The following ANKS1A variants were observed in gnomAD, a reference collection of about 807,000 sequenced individuals.
The protein encoded by ANKS1A is ankyrin repeat and sterile alpha motif domain containing 1A.
A neutral mutation model predicts 120.3 loss-of-function variants in ANKS1A; 55 were observed. The ratio of observed to expected loss-of-function variants is 0.46; its 90% confidence interval spans 0.37 to 0.57. The LOEUF is 0.57. Ranked by LOEUF, ANKS1A falls within the 20% of genes least tolerant of loss-of-function variation. The pLI is 0.00. For missense variants in ANKS1A, 1,123 were observed against 1,480.3 expected (o/e 0.76, Z 3.96); for synonymous variants, 590 against 604.7 (o/e 0.98, Z 0.36).
chr6:34,989,523 G>A (rs1334911215), intron 9 of ANKS1A, among the ~76,000 whole-genome samples: 1 of 152,148 alleles, frequency 6.6e-6, no homozygotes, highest in African/African-American at 2.4e-5. Flanking sequence ...GCCCAGTATT[G>A]ATCTGCCATA....
At chr6:35,047,750 G>A (rs1192289755) in intron 11 of ANKS1A, among the ~76,000 whole-genome samples, 1 of 152,168 alleles carries the variant, frequency 6.6e-6, no homozygotes, top group Non-Finnish European at 1.5e-5. Flanking sequence ...GCAGTTTCTT[G>A]GCGCTTTGAG....
intron 1 of ANKS1A, among the ~76,000 whole-genome samples, chr6:34,963,914 C>T (rs1443240571): frequency 6.6e-6 from 1 of 152,138 alleles, no homozygotes; most frequent in African/African-American, 2.4e-5. Context: ...TGTATGTCTT[C>T]TTTTGAGAAA....
At chr6:35,019,167 A>AGGT (rs1251276767) in intron 11 of ANKS1A, among the ~76,000 whole-genome samples, 2 of 152,238 alleles carry the variant, frequency 1.3e-5, no homozygotes, top group East Asian at 3.9e-4. Flanking sequence ...TCTCAAAGAT[A>AGGT]GGTAAACACC....
At chr6:35,094,854 C>T (rs1237729139), downstream of ANKS1A, among the ~76,000 whole-genome samples, 3 of 152,038 alleles carry the variant, frequency 2.0e-5, no homozygotes, top group Non-Finnish European at 4.4e-5. Flanking sequence ...TAAGAAAATA[C>T]TCGAGGCCGG....
downstream of ANKS1A, among the ~76,000 whole-genome samples, chr6:35,092,897 A>G (rs543856186): frequency 1.3e-5 from 2 of 152,312 alleles, no homozygotes; most frequent in East Asian, 3.9e-4. Context: ...GGATAGATCA[A>G]TCCTCAGCAA....
At chr6:34,946,301 T>C (rs1278481310) in intron 1 of ANKS1A, among the ~76,000 whole-genome samples, 6 of 151,642 alleles carry the variant, frequency 4.0e-5, no homozygotes, top group African/African-American at 1.2e-4. Context: ...TTTACAAAAT[T>C]TTGGGGCTGG....
intron 14 of ANKS1A, 75 bp downstream of exon 14, chr6:35,078,731 A>C: frequency 1.4e-6 from 2 of 1,390,912 alleles, no homozygotes; most frequent in Non-Finnish European, 2.0e-6. Context: ...TGCACCAAGA[A>C]CAGGGGAGGA....
intron 11 of ANKS1A, among the ~76,000 whole-genome samples, chr6:35,026,548 G>T (rs895294043): frequency 6.6e-6 from 1 of 152,096 alleles, no homozygotes; most frequent in Non-Finnish European, 1.5e-5. Context: ...GAACAATACA[G>T]CCAAGAACAG....
At chr6:34,893,639 G>T (rs1238215946) in intron 1 of ANKS1A, among the ~76,000 whole-genome samples, 2 of 152,186 alleles carry the variant, frequency 1.3e-5, no homozygotes, top group African/African-American at 4.8e-5. Flanking sequence ...GTCAGAATTA[G>T]CCCCTCTCTT....
At position 35,078,548 on chromosome 6, in the gene ANKS1A, C is replaced by A. The variant is rs754057326; in HGVS notation, c.2185-10C>A. The A allele has an allele frequency of 2.5e-6, 4 of 1,610,708 alleles. No homozygotes were observed. The East Asian group carries it at 8.9e-5, about 36-fold the overall frequency. Reference sequence around the variant, plus strand: ...AGGAGGGGCCCTGACATCCACCTTTCTGCTCTCAGGGGTCTAATGTGATGG... The same window carrying A: ...AGGAGGGGCCCTGACATCCACCTTTATGCTCTCAGGGGTCTAATGTGATGG... On this transcript the variant is annotated splice_polypyrimidine_tract_variant and intron_variant, in intron 13 of 23. Coordinates refer to ENST00000360359, the MANE Select transcript of ANKS1A (RefSeq NM_015245.3).
intron 1 of ANKS1A, among the ~76,000 whole-genome samples, chr6:34,932,312 A>C (rs942569230): frequency 2.6e-5 from 4 of 152,120 alleles, no homozygotes; most frequent in Admixed American, 6.5e-5. Context: ...CAGCCTGCCG[A>C]GTAACTCGGA....
At chr6:34,967,394 GA>G in intron 2 of ANKS1A, 75 bp downstream of exon 2, 1 of 1,501,790 alleles carries the variant, frequency 6.7e-7, no homozygotes, top group Non-Finnish European at 9.2e-7. Context: ...TCATTTCCTA[GA>G]AAAGTTTGCT....
At chr6:34,916,079 A>G (rs893067396) in intron 1 of ANKS1A, among the ~76,000 whole-genome samples, 2 of 134,262 alleles carry the variant, frequency 1.5e-5, no homozygotes, top group Middle Eastern at 9.7e-3. Context: ...TGCAACCTCC[A>G]CCTCCCGGGT....
intron 10 of ANKS1A, among the ~76,000 whole-genome samples, chr6:35,007,431 G>T (rs1050378819): frequency 2.4e-4 from 36 of 152,216 alleles, no homozygotes; most frequent in African/African-American, 8.2e-4. Context: ...AGTAGAAAAA[G>T]TCTTCTGAAA....
chr6:35,089,069 AGAAG>A lies in ANKS1A; in HGVS notation c.*462_*465del, dbSNP rs1778158542. ...TGGGTGCAGCTCAGTGGGTCGGAAG[AGAAG>A]GCGGTGGCCTGTGGGTGAGGGGAAC... On this transcript the variant is annotated 3_prime_UTR_variant, in exon 24 of 24. Coordinates refer to ENST00000360359, the MANE Select transcript of ANKS1A (RefSeq NM_015245.3). 1.0e-5 allele frequency: 11 copies of A among 1,055,164 alleles called. No homozygotes were observed. The South Asian group carries it at 3.5e-4, about 33-fold the overall frequency. 65.4% of individuals were successfully genotyped at this position (1,055,164 alleles called of 1,614,324 possible).
At chr6:34,960,467 G>A (rs983400707) in intron 1 of ANKS1A, among the ~76,000 whole-genome samples, 10 of 152,154 alleles carry the variant, frequency 6.6e-5, no homozygotes, top group African/African-American at 2.2e-4. Flanking sequence ...GAGTACATGC[G>A]TGAGTAGCTC....
intron 11 of ANKS1A, among the ~76,000 whole-genome samples, chr6:35,038,935 C>T (rs977841009): frequency 6.6e-6 from 1 of 151,720 alleles, no homozygotes; most frequent in African/African-American, 2.4e-5. Flanking sequence ...CAGAGAGGTC[C>T]TTTTTTTTAG....
At chr6:34,966,190 A>G (rs1180813352) in intron 1 of ANKS1A, among the ~76,000 whole-genome samples, 1 of 152,188 alleles carries the variant, frequency 6.6e-6, no homozygotes, top group East Asian at 1.9e-4. Context: ...ATCCTAAATA[A>G]TCTACTCTCA....
chr6:34,922,668 G>A (rs1275298952), intron 1 of ANKS1A, among the ~76,000 whole-genome samples: 1 of 151,522 alleles, frequency 6.6e-6, no homozygotes, highest in African/African-American at 2.4e-5. Flanking sequence ...GAGAAAGAGA[G>A]CATGGAGGAT....
Sources: allele counts gnomAD v4.1 joint callset (sites outside exome capture counted in the v4.1 genomes callset), GRCh38; gene constraint gnomAD v4.1.1; transcripts MANE v1.5; gene names NCBI Gene and HGNC (gene_info 2026-07-23, HGNC 2026-07-21).